Variants in ARHGEF10L observed in about 807,000 individuals in gnomAD.
ARHGEF10L encodes the protein Rho guanine nucleotide exchange factor 10 like, also known as rho guanine nucleotide exchange factor 10-like protein.
ARHGEF10L carries 69 observed loss-of-function variants against 141.2 expected under a neutral mutation model. The ratio of observed to expected loss-of-function variants is 0.49; its 90% CI spans 0.40 to 0.60. The LOEUF (loss-of-function observed/expected upper bound fraction) is 0.60. Among genes scored for constraint, ARHGEF10L ranks in the 20% least tolerant of loss-of-function variants. The probability of loss-of-function intolerance (pLI) is 0.00; values close to 1 mark genes in which losing one functional copy is unlikely to be tolerated. For missense variants in ARHGEF10L, 1,482 were observed against 1,734.3 expected (o/e 0.85, Z 2.58); for synonymous variants, 711 against 718.5 (o/e 0.99, Z 0.17).
At chr1:17,590,884 G>A (rs2079477220) in intron 4 of ARHGEF10L, among the ~76,000 whole-genome samples, 1 of 152,216 alleles carries the variant, frequency 6.6e-6, no homozygotes, top group South Asian at 2.1e-4. Flanking sequence ...CTACTGGGGA[G>A]GCTGAGGCAG....
rs1035498100 is a variant in ARHGEF10L at position 17,576,455 on chromosome 1, C to T, written c.-43-4098C>T. On this transcript the variant is annotated intron_variant, in intron 1 of 28. Transcript: ENST00000361221. ...ATAGCCGGGAGCTGGGGCCTCCCCT[C>T]TTCCTCCCTTGTCTGAGCACTGCCT... Among the ~76,000 whole-genome samples the T allele has an allele frequency of 4.6e-5, 7 of 152,286 alleles. No homozygotes were observed. In the South Asian group the frequency reaches 1.0e-3, roughly 23 times the overall value.
At chr1:17,559,599 C>T (rs1000868796) in intron 1 of ARHGEF10L, among the ~76,000 whole-genome samples, 5 of 152,172 alleles carry the variant, frequency 3.3e-5, no homozygotes, top group African/African-American at 1.2e-4. Flanking sequence ...GGAGTGAAAT[C>T]TTCATTTGCT....
chr1:17,552,294 G>A (rs145227933), intron 1 of ARHGEF10L, among the ~76,000 whole-genome samples: 3 of 152,246 alleles, frequency 2.0e-5, no homozygotes, highest in South Asian at 2.1e-4. Context: ...TGGTTCCCTC[G>A]CCTGTAGAGA....
At chr1:17,580,825 G>A (rs965955982) in intron 2 of ARHGEF10L, among the ~76,000 whole-genome samples, 193 bp downstream of exon 2, 1 of 152,152 alleles carries the variant, frequency 6.6e-6, no homozygotes, top group African/African-American at 2.4e-5. Context: ...TTCTGCTCAC[G>A]GAGGAGGCTC....
At chr1:17,647,738 A>C (rs1282732168) in intron 21 of ARHGEF10L, among the ~76,000 whole-genome samples, 1 of 151,864 alleles carries the variant, frequency 6.6e-6, no homozygotes, top group Admixed American at 6.6e-5. Context: ...GGGTCTTTAG[A>C]GTGATTCCTG....
At chr1:17,566,382 C>T (rs867164236) in intron 1 of ARHGEF10L, among the ~76,000 whole-genome samples, 4 of 152,220 alleles carry the variant, frequency 2.6e-5, no homozygotes, top group South Asian at 2.1e-4. Context: ...CCATGGCCTC[C>T]CATAGATCTG....
intron 7 of ARHGEF10L, among the ~76,000 whole-genome samples, chr1:17,609,775 G>C (rs1470985139): frequency 6.6e-6 from 1 of 152,180 alleles, no homozygotes; most frequent in Non-Finnish European, 1.5e-5. Context: ...AGACAGGACA[G>C]GTGATCCAGG....
the ARHGEF10L span, among the ~76,000 whole-genome samples, chr1:17,531,552 A>G: frequency 6.6e-6 from 1 of 152,096 alleles, no homozygotes; most frequent in African/African-American, 2.4e-5. Context: ...CTCTGGGCCT[A>G]TTTATTCATA....
chr1:17,695,290 T>C lies in ARHGEF10L; in HGVS notation c.3307+10T>C. 1 of 1,565,028 alleles carries C rather than the reference T, an allele frequency of 6.4e-7. No homozygotes were observed. On this transcript the variant is annotated intron_variant, in intron 28 of 28. Coordinates refer to ENST00000361221, the MANE Select transcript of ARHGEF10L (RefSeq NM_018125.4). ...ATCCCCAAGATCACAGGTGAGGCTT[T>C]GGGAGCTGGTGTTGGCAGGACCAGG...
chr1:17,607,081 C>G lies in ARHGEF10L; in HGVS notation c.434-721C>G, dbSNP rs2081250253. 6.6e-6 allele frequency among the ~76,000 whole-genome samples: 1 copy of G among 152,196 alleles called. No individual in the cohort carries two copies. Among genetic ancestry groups the G allele is most frequent in the African/African-American group, 2.4e-5 (1 of 41,454 alleles). ...TGAAGTCAGATTTGGGGTGAGGAGC[C>G]CTGAGGCCCCAACAATCTCTGTTTC... On this transcript the variant is annotated intron_variant, in intron 6 of 28. Transcript: ENST00000361221. The surrounding 1 kb of genome is among the most constrained non-coding windows in gnomAD (Gnocchi z 4.5).
intron 6 of ARHGEF10L, among the ~76,000 whole-genome samples, chr1:17,605,482 G>T (rs1434086175): frequency 6.6e-6 from 1 of 152,180 alleles, no homozygotes; most frequent in Non-Finnish European, 1.5e-5. Context: ...TGAGGAGTTG[G>T]CCCTCGGGCT....
At chr1:17,519,410 G>T in the ARHGEF10L span, among the ~76,000 whole-genome samples, 1 of 151,446 alleles carries the variant, frequency 6.6e-6, no homozygotes, top group Non-Finnish European at 1.5e-5. Context: ...AGGAGTTCGA[G>T]GCCAGCCTGG....
chr1:17,579,106 C>T lies in ARHGEF10L; in HGVS notation c.-43-1447C>T, dbSNP rs926349524. 7.2e-5 allele frequency among the ~76,000 whole-genome samples: 11 copies of T among 152,162 alleles called. No individual in the cohort carries two copies. In the East Asian group the frequency reaches 1.5e-3, roughly 21 times the overall value. ...CACGGTCTTGGCTCACTGCAACCTCCGCCTCCCACGTTCAAGTGATTCTCC... is the reference window on the plus strand; with the variant it reads ...CACGGTCTTGGCTCACTGCAACCTCTGCCTCCCACGTTCAAGTGATTCTCC... On this transcript the variant is annotated intron_variant, in intron 1 of 28. Transcript: ENST00000361221.
At chr1:17,682,510 A>G (rs1385185354) in intron 26 of ARHGEF10L, among the ~76,000 whole-genome samples, 1 of 152,198 alleles carries the variant, frequency 6.6e-6, no homozygotes, top group Non-Finnish European at 1.5e-5. Flanking sequence ...ATCCTGAGCT[A>G]CTTGAATGGG....
At chr1:17,527,554 C>A in the ARHGEF10L span, among the ~76,000 whole-genome samples, 1 of 152,182 alleles carries the variant, frequency 6.6e-6, no homozygotes, top group African/African-American at 2.4e-5. Flanking sequence ...GATCCAGAGA[C>A]CTGTAGTTTG....
At position 17,619,782 on chromosome 1, in the gene ARHGEF10L, C is replaced by A. The variant is rs926824507; in HGVS notation, c.942+337C>A. Among the ~76,000 whole-genome samples, 4 of 152,158 alleles carry A rather than the reference C, an allele frequency of 2.6e-5. No individual in the cohort carries two copies. The highest frequency in any genetic ancestry group is 9.7e-5 in the African/African-American group (4 of 41,418). ...TTTGAAGAATGAGATGGGATCCAGA[C>A]TCAGGTGAGGCTGCAGGTGTGTAGG... is the stretch of plus-strand genomic sequence containing the variant. On this transcript the variant is annotated intron_variant, in intron 10 of 28. Coordinates refer to ENST00000361221, the MANE Select transcript of ARHGEF10L (RefSeq NM_018125.4). The surrounding 1 kb of genome is among the most constrained non-coding windows in gnomAD (Gnocchi z 5.0).
chr1:17,618,224 C>A, intron 9 of ARHGEF10L: 1 of 1,184,578 alleles, frequency 8.4e-7, no homozygotes, highest in Non-Finnish European at 1.1e-6. Flanking sequence ...GTCACCCTCC[C>A]AACCCCAGGC....
At chr1:17,682,072 G>A (rs2064170910) in intron 26 of ARHGEF10L, among the ~76,000 whole-genome samples, 1 of 152,032 alleles carries the variant, frequency 6.6e-6, no homozygotes, top group South Asian at 2.1e-4. Context: ...TGGCCAGCGG[G>A]GACCCCTTCG....
At position 17,627,380 on chromosome 1, in the gene ARHGEF10L, G is replaced by A. The variant is rs779275158; in HGVS notation, c.1461G>A (p.Gln487=). 26 of 1,614,118 alleles carry A rather than the reference G, an allele frequency of 1.6e-5. No homozygotes were observed. The highest frequency in any genetic ancestry group is 2.0e-5 in the Non-Finnish European group (24 of 1,180,042). Residue 487 remains glutamine (Q), a synonymous_variant, in exon 15 of 29, where the codon CAG becomes CAA. Coordinates refer to ENST00000361221, the MANE Select transcript of ARHGEF10L (RefSeq NM_018125.4). This position sits in a 1 kb window ranked among gnomAD's most constrained non-coding sequence, Gnocchi z 4.0. ...GCCATCCGGACAGGCTGTCGCTGCA[G>A]CTGGCCCTCACAGAGCTGGAGACGC... The part of the protein sequence containing the change: ...PRGHPDRLSL[Q]LALTELETLA...
Sources: allele counts gnomAD v4.1 joint callset (sites outside exome capture counted in the v4.1 genomes callset), GRCh38; gene constraint gnomAD v4.1.1; non-coding constraint Gnocchi (gnomAD v3.1); transcripts MANE v1.5; gene names NCBI Gene and HGNC (gene_info 2026-07-23, HGNC 2026-07-21).